The following ECEL1 variants were observed in gnomAD, a reference collection of about 807,000 sequenced individuals.
ECEL1 encodes endothelin-converting enzyme-like 1.
A neutral mutation model predicts 101.8 loss-of-function variants in ECEL1; 87 were observed. The observed-to-expected ratio is 0.85, with a 90% CI of 0.72 to 1.02. The LOEUF is 1.02. Ranked by LOEUF, ECEL1 falls within the 50% of genes least tolerant of loss-of-function variation. The pLI is 0.00. For synonymous variants in ECEL1, 487 were observed against 468.7 expected (o/e 1.04, Z -0.50); for missense variants, 1,032 against 1,079.2 (o/e 0.96, Z 0.61).
chr2:232,486,170 G>T lies in ECEL1; in HGVS notation c.484C>A (p.Arg162=). Residue 162 remains arginine (R), a synonymous_variant, in exon 2 of 18, where the codon CGG becomes AGG. Coordinates refer to ENST00000304546, the MANE Select transcript of ECEL1 (RefSeq NM_004826.4). ...CCCCCGGGCCGCGCCAGCAGGCGCC[G>T]TAGGCGCTCCTCGTTTTGCTCGCCG... ...AIGEQNEERL[R]RLLARPGGGP... is the part of the protein sequence containing the mutation. The T allele has an allele frequency of 3.2e-6, 5 of 1,584,678 alleles. No homozygotes were observed. Among genetic ancestry groups the T allele is most frequent in the Non-Finnish European group, 4.3e-6 (5 of 1,170,750 alleles).
At chr2:232,485,131 G>A (rs1436158285) in intron 3 of ECEL1, 40 bp from the exon 4 acceptor site, 3 of 1,611,634 alleles carry the variant, frequency 1.9e-6, no homozygotes, top group African/African-American at 2.7e-5. Flanking sequence ...ACAGGGACAG[G>A]CCTAGCCTGG....
chr2:232,481,695 G>T, intron 13 of ECEL1, 65 bp from the exon 14 acceptor site: 1 of 1,111,336 alleles, frequency 9.0e-7, no homozygotes, highest in Admixed American at 2.1e-5. Context: ...CCACCCACCA[G>T]CCCCAGTTAG....
rs1690532842 is a variant in ECEL1, at chr2:232,479,993, C to A, written c.*160G>T. 6.0e-6 allele frequency: 4 copies of A among 664,980 alleles called. No homozygotes were observed. The highest frequency in any genetic ancestry group is 1.0e-5 in the Non-Finnish European group (4 of 384,140). The allele number at this position is 664,980 out of a possible 1,614,324, so 41.2% of individuals were successfully genotyped here. A position where few individuals can be genotyped will look rare whatever the true frequency, so the allele number is the denominator to read the frequency against. ...AGTCCAGCCTCACCCTGCTCCAGGCCCCTCCTGAAGTGAGGGGCAGCAGGG... is the reference window on the plus strand; with the variant it reads ...AGTCCAGCCTCACCCTGCTCCAGGCACCTCCTGAAGTGAGGGGCAGCAGGG... On this transcript the variant is annotated 3_prime_UTR_variant, in exon 18 of 18. Transcript: ENST00000304546.
intron 14 of ECEL1, 138 bp downstream of exon 14, chr2:232,481,368 C>A: frequency 7.0e-7 from 1 of 1,436,868 alleles, no homozygotes; most frequent in Non-Finnish European, 9.4e-7. Context: ...CGTGAGTGTG[C>A]GTGGGAACCG....
Position 232,480,799 on chromosome 2 carries a change from C to A in ECEL1, c.2070G>T (p.Trp690Cys). 1.2e-6 allele frequency: 2 copies of A among 1,613,576 alleles called. No homozygotes were observed. The highest frequency in any genetic ancestry group is 1.1e-5 in the South Asian group (1 of 90,950). Reference protein sequence around the residue: ...LKLAYHAYQKWVREHGPEHPL... With the variant: ...LKLAYHAYQKCVREHGPEHPL... ...GGTGCTCTGGGCCGTGCTCCCGCACCCACTTCTGATAGGCCTGGGGACACA... is the reference window on the plus strand; with the variant it reads ...GGTGCTCTGGGCCGTGCTCCCGCACACACTTCTGATAGGCCTGGGGACACA... Residue 690 changes from tryptophan (W) to cysteine (C), a missense_variant, in exon 16 of 18, where the codon TGG (tryptophan) becomes TGT (cysteine). Coordinates refer to ENST00000304546, the MANE Select transcript of ECEL1 (RefSeq NM_004826.4).
rs1318773140 is a variant in ECEL1, at chr2:232,485,232, G to A, written c.822C>T (p.Thr274=). ...TGTCCTCATCCTGAGCGAGGTACAG[G>A]GTCCTCTCTGGCAGGGTGAGCCCAT... The part of the protein sequence containing the change: ...DQDGLTLPER[T]LYLAQDEDSE... The change falls in exon 3 of 18, where the codon ACC becomes ACT. Residue 274 remains threonine, a synonymous_variant. Transcript: ENST00000304546. The A allele has an allele frequency of 6.2e-7, 1 of 1,613,526 alleles. No homozygotes were observed. Among genetic ancestry groups the A allele is most frequent in the African/African-American group, 1.3e-5 (1 of 74,916 alleles).
rs773792839 is a variant in ECEL1 at position 232,482,967 on chromosome 2, C to T, written c.1582-13G>A. On this transcript the variant is annotated splice_polypyrimidine_tract_variant and intron_variant, in intron 9 of 17. Coordinates refer to ENST00000304546, the MANE Select transcript of ECEL1 (RefSeq NM_004826.4). ...CATGGACCTCAAACTGCAGGAGGCA[C>T]GGGCGACACTCAGCGGCAGGCCAGG... is the stretch of plus-strand genomic sequence containing the variant. 1.3e-5 allele frequency: 21 copies of T among 1,613,910 alleles called. No homozygotes were observed. The Middle Eastern group carries it at 4.9e-4, about 38-fold the overall frequency.
rs1230655359 is a variant in ECEL1 at position 232,486,356 on chromosome 2, G to A, written c.298C>T (p.Pro100Ser). Residue 100 changes from proline (P) to serine (S), a missense_variant, in exon 2 of 18, where the codon CCT (proline) becomes TCT (serine). Coordinates refer to ENST00000304546, the MANE Select transcript of ECEL1 (RefSeq NM_004826.4). ...GCGCGCGCGAAGGCCTTGCGCTCAG[G>A]GCAGCCCTCGGGACAGGCGCCGCCG... ...AGGGACPEGC[P>S]ERKAFARAAR... 1.3e-6 allele frequency: 2 copies of A among 1,528,400 alleles called. No homozygotes were observed. Among genetic ancestry groups the A allele is most frequent in the South Asian group, 1.2e-5 (1 of 83,546 alleles). 94.7% of individuals were successfully genotyped at this position (1,528,400 alleles called of 1,614,324 possible).
rs1272437267 is a variant in ECEL1, at chr2:232,482,876, T to A, written c.1660A>T (p.Ile554Phe). 6.2e-7 allele frequency: 1 copy of A among 1,614,174 alleles called. No individual in the cohort carries two copies. The change falls in exon 10 of 18, where the codon ATT becomes TTT. Residue 554 changes from isoleucine to phenylalanine, a missense_variant. Coordinates refer to ENST00000304546, the MANE Select transcript of ECEL1 (RefSeq NM_004826.4). ...RFSIQLSVKK[I>F]RQEVDKSTWL... The stretch of plus-strand genomic sequence containing the variant: ...GTGGACTTGTCCACCTCCTGCCGAA[T>A]CTTCTTAACTGAGAGCTGGATGCTG...
intron 16 of ECEL1, 42 bp downstream of exon 16, chr2:232,480,676 C>A: frequency 6.2e-7 from 1 of 1,601,852 alleles, no homozygotes; most frequent in South Asian, 1.1e-5. Context: ...GATGCCGTGT[C>A]CCCACCCCAA....
Position 232,481,122 on chromosome 2 carries a change from G to T in ECEL1, c.2024C>A (p.Ala675Glu), listed in dbSNP as rs1277379088. The T allele has an allele frequency of 1.3e-6, 2 of 1,568,728 alleles. No individual in the cohort carries two copies. Among genetic ancestry groups the T allele is most frequent in the Non-Finnish European group, 8.6e-7 (1 of 1,156,720 alleles). The change falls in exon 15 of 18, where the codon GCA (alanine) becomes GAA (glutamate). Residue 675 changes from alanine to glutamate, a missense_variant. Transcript: ENST00000304546. ...GGCCAGCTTGAGGCCGCCCATATCT[G>T]CGATGTTCTCCCCAAGCGTGTGTTT... ...NGKHTLGENI[A>E]DMGGLKLAYH...
In ECEL1 at chr2:232,484,803, G is replaced by A. The variant is rs768034566; in HGVS notation, c.1057C>T (p.His353Tyr). Residue 353 changes from histidine to tyrosine, a missense_variant and splice_region_variant, in exon 5 of 18, where the codon CAC becomes TAC. Physicochemically the swap from His to Tyr is moderately conservative, Grantham distance 83 (BLOSUM62 2). Transcript: ENST00000304546. Reference sequence around the variant, plus strand: ...CACGAGGACTGGGCCACACTCACGTGGGGGGTGATCTTCTGCAGCTGCCCC... The same window carrying A: ...CACGAGGACTGGGCCACACTCACGTAGGGGGTGATCTTCTGCAGCTGCCCC... The part of the protein sequence containing the change: ...TLGQLQKITP[H>Y]LRWKWLLDQI... The A allele has an allele frequency of 1.4e-5, 23 of 1,613,492 alleles. No individual in the cohort carries two copies. Among genetic ancestry groups the A allele is most frequent in the Non-Finnish European group, 1.8e-5 (21 of 1,179,978 alleles).
At position 232,486,641 on chromosome 2, in the gene ECEL1, A is replaced by G; in HGVS notation, c.13T>C (p.Tyr5His). The G allele has an allele frequency of 1.3e-6, 2 of 1,528,954 alleles. No individual in the cohort carries two copies. The highest frequency in any genetic ancestry group is 1.2e-5 in the South Asian group (1 of 83,712). 94.7% of individuals were successfully genotyped at this position (1,528,954 alleles called of 1,614,324 possible). A position where few individuals can be genotyped will look rare whatever the true frequency, so the allele number is the denominator to read the frequency against. The change falls in exon 2 of 18, where the codon TAT (tyrosine) becomes CAT (histidine). Residue 5 changes from tyrosine (Y) to histidine (H), a missense_variant. By Grantham distance (83) the Tyr-to-His change is moderately conservative. Transcript: ENST00000304546. ...TCATCGTAGTGCGCCGTCAGCGAAT[A>G]CGGGGGCTCCATGGCGCCGAGGCCG... MEPP[Y>H]SLTAHYDEFQ...
At chr2:232,480,291 A>G (rs762841101) in intron 17 of ECEL1, 39 bp from the exon 18 acceptor site, 1 of 1,611,772 alleles carries the variant, frequency 6.2e-7, no homozygotes. Context: ...TGGGCCCTGC[A>G]GCCACTCCAG....
At chr2:232,485,827 G>C in intron 2 of ECEL1, 41 bp downstream of exon 2, 2 of 1,536,114 alleles carry the variant, frequency 1.3e-6, no homozygotes, top group African/African-American at 2.7e-5. Flanking sequence ...CTGCGCCCCG[G>C]ATCCGCGGCC....
rs761431530 is a variant in ECEL1 at position 232,485,211 on chromosome 2, C to T, written c.843G>A (p.Glu281=). The T allele has an allele frequency of 1.2e-6, 2 of 1,613,718 alleles. No individual in the cohort carries two copies. Among genetic ancestry groups the T allele is most frequent in the East Asian group, 2.2e-5 (1 of 44,884 alleles). Residue 281 remains glutamate, a synonymous_variant, in exon 3 of 18, where the codon GAG becomes GAA. Transcript: ENST00000304546. ...CATGCCCCAGCACCTTCTCACTGTC[C>T]TCATCCTGAGCGAGGTACAGGGTCC... ...PERTLYLAQD[E]DSEKILAAYR...
rs1355023798 is a variant in ECEL1, at chr2:232,480,263, G to A, written c.2229-11C>T. ...ACACTGCCCAGCACCCTGGGGTGGG[G>A]AGAGACCCACACAGTGTTGGGCCCT... is the stretch of plus-strand genomic sequence containing the variant. On this transcript the variant is annotated splice_polypyrimidine_tract_variant and intron_variant, in intron 17 of 17. Transcript: ENST00000304546. 1.9e-6 allele frequency: 3 copies of A among 1,613,360 alleles called. No homozygotes were observed. The highest frequency in any genetic ancestry group is 1.7e-6 in the Non-Finnish European group (2 of 1,179,594).
rs1173385014 is a variant in ECEL1 at position 232,481,096 on chromosome 2, A to G, written c.2050T>C (p.Tyr684His). ...AGCACAGGCAGGCCGCTCACGTGGT[A>G]GGCCAGCTTGAGGCCGCCCATATCT... ...IADMGGLKLA[Y>H]HAYQKWVREH... The change falls in exon 15 of 18, where the codon TAC (tyrosine) becomes CAC (histidine). Residue 684 changes from tyrosine to histidine, a missense_variant. Tyr to His is a moderately conservative substitution (Grantham distance 83). Coordinates refer to ENST00000304546, the MANE Select transcript of ECEL1 (RefSeq NM_004826.4). 1 of 1,560,128 alleles carries G rather than the reference A, an allele frequency of 6.4e-7. No homozygotes were observed. The highest frequency in any genetic ancestry group is 1.4e-5 in the African/African-American group (1 of 73,712).
At chr2:232,482,675 TTCC>T (rs1690612064) in intron 10 of ECEL1, 67 bp from the exon 11 acceptor site, 13 of 1,558,568 alleles carry the variant, frequency 8.3e-6, no homozygotes, top group Admixed American at 1.7e-5. Flanking sequence ...ACATCACAGC[TTCC>T]TCGTCAGCCA....
Sources: gnomAD v4.1 joint callset for allele counts on GRCh38, gnomAD v4.1.1 for gene constraint, MANE v1.5 for transcripts, NCBI Gene and HGNC (gene_info 2026-07-23, HGNC 2026-07-21) for gene names.